The following PCCA variants were observed in gnomAD, a reference collection of about 807,000 sequenced individuals.
PCCA encodes propionyl-CoA carboxylase subunit alpha.
PCCA carries 74 observed loss-of-function variants against 101.3 expected under a neutral mutation model. The ratio of observed to expected loss-of-function variants is 0.73; its 90% CI spans 0.61 to 0.89. PCCA has a LOEUF of 0.89. Ranked by LOEUF, PCCA falls within the 40% of genes least tolerant of loss-of-function variation. The pLI, the probability that PCCA is intolerant of heterozygous loss-of-function variation, is 0.00. For synonymous variants in PCCA, 294 were observed against 313.6 expected (o/e 0.94, Z 0.66); for missense variants, 891 against 907.0 (o/e 0.98, Z 0.23).
chr13:100,491,687 G>A, intron 21 of PCCA: 2 of 1,304,080 alleles, frequency 1.5e-6, no homozygotes, highest in Non-Finnish European at 2.0e-6. Flanking sequence ...TGAGAAGCTT[G>A]GCAGAAGGTG....
At chr13:100,279,182 C>T (rs748529678) in intron 12 of PCCA, among the ~76,000 whole-genome samples, 11 of 152,122 alleles carry the variant, frequency 7.2e-5, no homozygotes, top group Non-Finnish European at 1.2e-4. Context: ...TGCTGTTAAG[C>T]GTGCTATTTT....
chr13:100,281,328 AC>A lies in PCCA; in HGVS notation c.1065+7983del, dbSNP rs138548296. Among the ~76,000 whole-genome samples, 301 of 152,338 alleles carry A rather than the reference AC, an allele frequency of 2.0e-3. 1 individual carries two copies. The highest frequency in any genetic ancestry group is 7.1e-3 in the African/African-American group (294 of 41,572). ...TGCTACTTTTGCTGTCAAAAGTCAAACTTCAAAAGTTATGGCCACAGTGCAT... is the reference window on the plus strand; with the variant it reads ...TGCTACTTTTGCTGTCAAAAGTCAAATTCAAAAGTTATGGCCACAGTGCAT... On this transcript the variant is annotated intron_variant, in intron 12 of 23. Transcript: ENST00000376285.
chr13:100,098,550 T>C (rs1279330470), intron 1 of PCCA, among the ~76,000 whole-genome samples: 1 of 152,118 alleles, frequency 6.6e-6, no homozygotes, highest in Admixed American at 6.5e-5. Context: ...AGCTGTATAG[T>C]TGAGGAACAT....
chr13:100,328,103 G>A (rs772763496), intron 16 of PCCA, among the ~76,000 whole-genome samples: 43 of 152,152 alleles, frequency 2.8e-4, no homozygotes, highest in Non-Finnish European at 4.6e-4. Context: ...AGTGGCTCAC[G>A]CCTGTAATCC....
At chr13:100,121,153 G>GTTTTTTTTTT (rs747251831) in intron 4 of PCCA, among the ~76,000 whole-genome samples, 1 of 99,474 alleles carries the variant, frequency 1.0e-5, no homozygotes, top group Non-Finnish European at 2.0e-5. Context: ...GATTTCTTAG[G>GTTTTTTTTTT]TTTTTTTTTT....
At chr13:100,210,237 C>T (rs1028496434) in intron 7 of PCCA, among the ~76,000 whole-genome samples, 1 of 152,178 alleles carries the variant, frequency 6.6e-6, no homozygotes, top group Non-Finnish European at 1.5e-5. Context: ...CTTGGCCTTC[C>T]CAAGTGTTGG....
At chr13:100,240,992 T>C (rs983864117) in intron 8 of PCCA, among the ~76,000 whole-genome samples, 3 of 151,958 alleles carry the variant, frequency 2.0e-5, no homozygotes, top group Non-Finnish European at 4.4e-5. Context: ...TCCCTGGAGA[T>C]TTCCCTCATG....
chr13:100,162,378 A>G (rs948410025), intron 6 of PCCA, among the ~76,000 whole-genome samples: 5 of 150,904 alleles, frequency 3.3e-5, no homozygotes, highest in African/African-American at 1.2e-4. Context: ...AGTTTAAATA[A>G]ATGCCTTGTC....
intron 18 of PCCA, among the ~76,000 whole-genome samples, chr13:100,340,649 A>C (rs1337592486): frequency 6.6e-6 from 1 of 152,242 alleles, no homozygotes; most frequent in African/African-American, 2.4e-5. Context: ...GAAACTAGTG[A>C]ACACACAAGA....
chr13:100,093,909 A>T (rs1187130665), intron 1 of PCCA, among the ~76,000 whole-genome samples: 1 of 152,146 alleles, frequency 6.6e-6, no homozygotes, highest in African/African-American at 2.4e-5. Flanking sequence ...AATGTACTAC[A>T]GCCTGGGTGA....
chr13:100,234,433 G>T (rs972443966), intron 7 of PCCA, among the ~76,000 whole-genome samples: 22 of 150,314 alleles, frequency 1.5e-4, no homozygotes, highest in African/African-American at 5.4e-4. Flanking sequence ...GAAAACAATT[G>T]TTATTTGGAA....
chr13:100,459,354 G>A (rs990752719), intron 21 of PCCA, among the ~76,000 whole-genome samples: 2 of 152,180 alleles, frequency 1.3e-5, no homozygotes, highest in Non-Finnish European at 2.9e-5. Flanking sequence ...TGACACACAT[G>A]TAAAGCTAAA....
At chr13:100,308,572 C>T (rs1183467401) in intron 15 of PCCA, among the ~76,000 whole-genome samples, 2 of 152,068 alleles carry the variant, frequency 1.3e-5, no homozygotes, top group Admixed American at 6.6e-5. Context: ...GCAATCCACC[C>T]GCCTCGGCCT....
chr13:100,322,203 T>G (rs1471066514), intron 16 of PCCA, among the ~76,000 whole-genome samples: 1 of 152,164 alleles, frequency 6.6e-6, no homozygotes, highest in African/African-American at 2.4e-5. Context: ...AAAGCTGAGT[T>G]TCTGCCATGT....
intron 11 of PCCA, among the ~76,000 whole-genome samples, chr13:100,271,706 T>G (rs1217563523): frequency 1.3e-5 from 2 of 152,266 alleles, no homozygotes; most frequent in African/African-American, 2.4e-5. Flanking sequence ...CAAGTGGATA[T>G]TAAATGCTTT....
intron 16 of PCCA, among the ~76,000 whole-genome samples, chr13:100,313,889 C>A (rs187556633): frequency 2.3e-4 from 35 of 151,986 alleles, no homozygotes; most frequent in Admixed American, 2.0e-3. Context: ...AGCAACCTAA[C>A]AGTTTCATCT....
rs556105928 is a variant in PCCA, at chr13:100,509,217, C to G, written c.1900-6210C>G. Among the ~76,000 whole-genome samples the G allele has an allele frequency of 4.7e-4, 72 of 152,340 alleles. 1 individual carries two copies. Among genetic ancestry groups the G allele is most frequent in the Admixed American group, 2.2e-3 (33 of 15,300 alleles). On this transcript the variant is annotated intron_variant, in intron 21 of 23. Transcript: ENST00000376285. ...ACGGATATGTTAACTGTTACCGTGA[C>G]GCTGAGAACTGGAGCTGCTAACTGA...
intron 18 of PCCA, among the ~76,000 whole-genome samples, chr13:100,353,695 G>A (rs565850071): frequency 6.6e-6 from 1 of 152,290 alleles, no homozygotes; most frequent in East Asian, 1.9e-4. Flanking sequence ...GCTTACATTT[G>A]TAATCCTAGC....
intron 8 of PCCA, among the ~76,000 whole-genome samples, chr13:100,241,618 G>GT (rs1423414357): frequency 6.6e-6 from 1 of 152,006 alleles, no homozygotes; most frequent in Admixed American, 6.6e-5. Context: ...CTACAGGTGT[G>GT]TGCCACTATG....
Sources: gnomAD v4.1 joint callset for allele counts (sites outside exome capture counted in the v4.1 genomes callset) on GRCh38, gnomAD v4.1.1 for gene constraint, MANE v1.5 for transcripts, NCBI Gene and HGNC (gene_info 2026-07-23, HGNC 2026-07-21) for gene names.